Variants in CNTN5 observed in about 807,000 individuals in gnomAD.
CNTN5 encodes the protein contactin-5.
A neutral mutation model predicts 129.1 loss-of-function variants in CNTN5; 77 were observed. The observed-to-expected ratio is 0.60, with a 90% CI of 0.50 to 0.72. The LOEUF is 0.72. CNTN5 is among the 30% of genes least tolerant of loss of function. The pLI is 0.00. For synonymous variants in CNTN5, 509 were observed against 465.6 expected, an observed-to-expected ratio of 1.09 and a Z score of -1.20; for missense variants, 1,478 against 1,328.8, an observed-to-expected ratio of 1.11 and a Z score of -1.75.
intron 1 of CNTN5, among the ~76,000 whole-genome samples, chr11:99,231,201 T>G (rs1386932347): frequency 6.6e-6 from 1 of 152,230 alleles, no homozygotes; most frequent in South Asian, 2.1e-4. Context: ...ATGGTATTTC[T>G]GGTTCTAGGT....
intron 15 of CNTN5, among the ~76,000 whole-genome samples, chr11:100,200,101 A>G (rs1324502439): frequency 6.6e-6 from 1 of 151,932 alleles, no homozygotes; most frequent in Admixed American, 6.6e-5. Flanking sequence ...ACAGTTTGGA[A>G]TTGAATGAAA....
chr11:99,495,102 G>A (rs918056121), intron 2 of CNTN5, among the ~76,000 whole-genome samples: 44 of 152,276 alleles, frequency 2.9e-4, no homozygotes, highest in African/African-American at 1.1e-3. Context: ...GGGCGTGGTG[G>A]CTCATGCCTG....
At chr11:99,911,668 A>G (rs1196161642) in intron 6 of CNTN5, among the ~76,000 whole-genome samples, 6 of 151,678 alleles carry the variant, frequency 4.0e-5, no homozygotes, top group Non-Finnish European at 7.4e-5. Context: ...AATTTTTGAA[A>G]TATTTTTCAG....
intron 1 of CNTN5, among the ~76,000 whole-genome samples, chr11:99,132,287 A>G (rs2135436992): frequency 6.6e-6 from 1 of 152,270 alleles, no homozygotes; most frequent in African/African-American, 2.4e-5. Context: ...ACAAATCCAG[A>G]TCCAATATCA....
chr11:100,293,471 T>C (rs1300743851), intron 18 of CNTN5, among the ~76,000 whole-genome samples: 1 of 151,830 alleles, frequency 6.6e-6, no homozygotes, highest in Non-Finnish European at 1.5e-5. Context: ...AGATTGCGTG[T>C]GTATAGACTC....
At chr11:99,442,417 A>C (rs1943872117) in intron 2 of CNTN5, among the ~76,000 whole-genome samples, 2 of 152,044 alleles carry the variant, frequency 1.3e-5, no homozygotes, top group Admixed American at 1.3e-4. Context: ...TGATCCACCC[A>C]CCTTGGCCTC....
Position 99,781,653 on chromosome 11 carries a change from A to G in CNTN5, c.56-37891A>G, listed in dbSNP as rs550828882. ...AGCTCCTACACCCAGCAGGTACTCA[A>G]TGAACAATTATGGGTTTCAATTCGA... is the stretch of plus-strand genomic sequence containing the variant. On this transcript the variant is annotated intron_variant, in intron 3 of 24. Transcript: ENST00000524871. Among the ~76,000 whole-genome samples, 6 of 152,220 alleles carry G rather than the reference A, an allele frequency of 3.9e-5. No homozygotes were observed. The East Asian group carries it at 5.9e-4, about 15-fold the overall frequency.
At chr11:99,925,154 A>G (rs1213438581) in intron 7 of CNTN5, among the ~76,000 whole-genome samples, 1 of 152,178 alleles carries the variant, frequency 6.6e-6, no homozygotes. Context: ...TATAGGTGGA[A>G]TTGTGGTGGT....
At chr11:99,853,651 A>T (rs1377121558) in intron 6 of CNTN5, among the ~76,000 whole-genome samples, 1 of 152,052 alleles carries the variant, frequency 6.6e-6, no homozygotes, top group Non-Finnish European at 1.5e-5. Flanking sequence ...TCCTCCTGGG[A>T]TTACAGGCCT....
At chr11:99,836,266 T>C (rs1463349672) in intron 4 of CNTN5, among the ~76,000 whole-genome samples, 4 of 151,364 alleles carry the variant, frequency 2.6e-5, no homozygotes, top group African/African-American at 4.9e-5. Context: ...TTACATTAGG[T>C]ATATCTCCTA....
At chr11:99,261,428 A>G (rs954832547) in intron 1 of CNTN5, among the ~76,000 whole-genome samples, 1 of 152,022 alleles carries the variant, frequency 6.6e-6, no homozygotes, top group Non-Finnish European at 1.5e-5. Flanking sequence ...TGTATCTCCT[A>G]TATACATAAG....
At chr11:100,351,001 T>C (rs1332047530) in intron 24 of CNTN5, 131 bp downstream of exon 24, 2 of 632,630 alleles carry the variant, frequency 3.2e-6, no homozygotes, top group African/African-American at 3.7e-5. Flanking sequence ...CTGATTTTTA[T>C]ATTATCTTCT....
At chr11:99,670,096 C>T (rs889849822) in intron 3 of CNTN5, among the ~76,000 whole-genome samples, 12 of 152,056 alleles carry the variant, frequency 7.9e-5, no homozygotes, top group Non-Finnish European at 1.8e-4. Context: ...TTCTACTTGT[C>T]AGTTTAAAAA....
At chr11:100,318,783 C>T (rs1385968229) in intron 21 of CNTN5, among the ~76,000 whole-genome samples, 1 of 151,964 alleles carries the variant, frequency 6.6e-6, no homozygotes, top group Admixed American at 6.6e-5. Context: ...GCTTAATAAA[C>T]TAGGAAATGA....
At chr11:99,919,057 A>T (rs1949867323) in intron 7 of CNTN5, among the ~76,000 whole-genome samples, 1 of 152,142 alleles carries the variant, frequency 6.6e-6, no homozygotes, top group South Asian at 2.1e-4. Context: ...TGCATTAAGG[A>T]TAAAAACCCC....
At chr11:99,722,274 A>G (rs924308504) in intron 3 of CNTN5, among the ~76,000 whole-genome samples, 4 of 152,194 alleles carry the variant, frequency 2.6e-5, no homozygotes, top group Admixed American at 2.6e-4. Flanking sequence ...AATGTGGTAC[A>G]TATACACTGT....
At chr11:99,816,500 C>A (rs1057237765) in intron 3 of CNTN5, among the ~76,000 whole-genome samples, 1 of 152,134 alleles carries the variant, frequency 6.6e-6, no homozygotes, top group South Asian at 2.1e-4. Flanking sequence ...TTCATTCTTA[C>A]CTATCTTCTA....
intron 6 of CNTN5, among the ~76,000 whole-genome samples, chr11:99,854,849 A>G (rs1344617900): frequency 6.6e-6 from 1 of 152,216 alleles, no homozygotes; most frequent in Non-Finnish European, 1.5e-5. Flanking sequence ...CAACAGACCT[A>G]AACTTCAGGA....
intron 1 of CNTN5, among the ~76,000 whole-genome samples, chr11:99,045,980 G>T (rs1027755527): frequency 2.0e-5 from 3 of 152,074 alleles, no homozygotes; most frequent in African/African-American, 7.2e-5. Context: ...AGCCAGTAGT[G>T]GACATAAATG....
Sources: allele counts gnomAD v4.1 joint callset (sites outside exome capture counted in the v4.1 genomes callset), GRCh38; gene constraint gnomAD v4.1.1; transcripts MANE v1.5; gene names NCBI Gene and HGNC (gene_info 2026-07-23, HGNC 2026-07-21).